Variants in SLC2A9 observed in about 807,000 individuals in gnomAD.
SLC2A9 encodes solute carrier family 2, facilitated glucose transporter member 9.
SLC2A9 carries 39 observed loss-of-function variants against 50.6 expected under a neutral mutation model. The observed-to-expected ratio is 0.77, with a 90% confidence interval of 0.60 to 1.01. The LOEUF is 1.01. SLC2A9 is among the 50% of genes least tolerant of loss of function. SLC2A9 has a pLI of 0.00. For synonymous variants in SLC2A9, 324 were observed against 276.9 expected (o/e 1.17, Z -1.69); for missense variants, 686 against 677.6 (o/e 1.01, Z -0.14).
intron 3 of SLC2A9, among the ~76,000 whole-genome samples, chr4:9,817,474 C>T (rs1004603322): frequency 2.0e-5 from 3 of 152,168 alleles, no homozygotes; most frequent in African/African-American, 7.2e-5. Flanking sequence ...AGATGAGCAC[C>T]ACTGATCCAG....
chr4:9,855,714 A>G (rs1477327221), intron 10 of SLC2A9, among the ~76,000 whole-genome samples: 1 of 152,186 alleles, frequency 6.6e-6, no homozygotes, highest in East Asian at 1.9e-4. Context: ...TTCAAACTAT[A>G]CTACAAGGCT....
chr4:9,938,747 C>T (rs1747595646), intron 6 of SLC2A9, among the ~76,000 whole-genome samples: 1 of 152,190 alleles, frequency 6.6e-6, no homozygotes, highest in Admixed American at 6.5e-5. Flanking sequence ...AGCTACTCAG[C>T]CTCTGAGTGG....
At chr4:9,823,634 T>G (rs116839773), downstream of SLC2A9, among the ~76,000 whole-genome samples, 59 of 152,284 alleles carry the variant, frequency 3.9e-4, no homozygotes, top group African/African-American at 1.3e-3. Flanking sequence ...TAGAAAGTAA[T>G]ACAATATTAA....
intron 6 of SLC2A9, among the ~76,000 whole-genome samples, chr4:9,938,803 C>G (rs1747601848): frequency 6.6e-6 from 1 of 152,110 alleles, no homozygotes; most frequent in Admixed American, 6.6e-5. Flanking sequence ...AAGCAAAGCA[C>G]CATGTGTATT....
At chr4:9,916,843 C>T (rs1315486926) in intron 7 of SLC2A9, among the ~76,000 whole-genome samples, 1 of 152,206 alleles carries the variant, frequency 6.6e-6, no homozygotes, top group Non-Finnish European at 1.5e-5. Context: ...ATTTTCAGCC[C>T]AAGAACTCCC....
intron 6 of SLC2A9, among the ~76,000 whole-genome samples, chr4:9,940,521 T>C (rs1266231021): frequency 1.3e-5 from 2 of 152,216 alleles, no homozygotes; most frequent in African/African-American, 4.8e-5. Flanking sequence ...GGCAGAATTT[T>C]GTGTATATGG....
chr4:9,794,465 T>C (rs767899290), downstream of SLC2A9, among the ~76,000 whole-genome samples: 8 of 152,160 alleles, frequency 5.3e-5, no homozygotes, highest in Non-Finnish European at 7.4e-5. Context: ...GTTAATTCTT[T>C]ATAGCAGCCC....
chr4:10,020,067 T>C (rs1763327996), intron 1 of SLC2A9, among the ~76,000 whole-genome samples: 1 of 150,192 alleles, frequency 6.7e-6, no homozygotes. Context: ...TGTGTGTGTG[T>C]GTGTGTTGTA....
intron 3 of SLC2A9, chr4:9,782,957 C>T: frequency 1.2e-6 from 2 of 1,613,916 alleles, no homozygotes; most frequent in Non-Finnish European, 1.7e-6. Flanking sequence ...GTGTTGCTGG[C>T]TGCCCTTCTT....
At chr4:9,792,324 G>A (rs1720038334) in intron 3 of SLC2A9, among the ~76,000 whole-genome samples, 1 of 150,326 alleles carries the variant, frequency 6.7e-6, no homozygotes. Context: ...TTATAGGCAT[G>A]CACCACCACA....
intron 7 of SLC2A9, among the ~76,000 whole-genome samples, chr4:9,909,312 A>ATTAT: frequency 6.6e-6 from 1 of 152,344 alleles, no homozygotes; most frequent in South Asian, 2.1e-4. Flanking sequence ...TGCTAGGATG[A>ATTAT]CACACTTACA....
chr4:9,795,061 G>C (rs1199472857), downstream of SLC2A9, among the ~76,000 whole-genome samples: 2 of 145,714 alleles, frequency 1.4e-5, no homozygotes, highest in Non-Finnish European at 3.0e-5. Flanking sequence ...ACCCAGGCTG[G>C]AGTGCAGTGG....
intron 10 of SLC2A9, among the ~76,000 whole-genome samples, chr4:9,845,427 C>CTTTTTTTTTTTT (rs1175166447): frequency 9.2e-6 from 1 of 108,692 alleles, no homozygotes; most frequent in African/African-American, 4.1e-5. Flanking sequence ...TCATCAATTT[C>CTTTTTTTTTTTT]TTTTTTTTTT....
At chr4:9,963,332 A>C (rs1020852644) in intron 5 of SLC2A9, among the ~76,000 whole-genome samples, 1 of 152,202 alleles carries the variant, frequency 6.6e-6, no homozygotes, top group African/African-American at 2.4e-5. Flanking sequence ...GTAGGGATAA[A>C]GCCAAGCCAT....
At position 10,038,564 on chromosome 4, in the gene SLC2A9, A is replaced by G. The variant is rs115499756; in HGVS notation, c.-41+1566T>C. Among the ~76,000 whole-genome samples the G allele has an allele frequency of 4.6e-3, 692 of 150,550 alleles. 12 individuals are homozygous for G. Among genetic ancestry groups the G allele is most frequent in the African/African-American group, 0.016 (647 of 41,186 alleles). On this transcript the variant is annotated intron_variant, in intron 1 of 12. Coordinates refer to the SLC2A9 transcript ENST00000309065. ...TCAGACAAGTGGGTACAGCCAGGCC[A>G]CGGAACAAAGTGTTCCTCTATCACT... is the stretch of plus-strand genomic sequence containing the variant.
chr4:9,816,606 A>T (rs1723631519), intron 3 of SLC2A9, among the ~76,000 whole-genome samples: 1 of 152,184 alleles, frequency 6.6e-6, no homozygotes, highest in Admixed American at 6.5e-5. Flanking sequence ...GATTGTGGTG[A>T]TGGTTTCATA....
chr4:9,985,437 T>C (rs1303673277), intron 4 of SLC2A9, among the ~76,000 whole-genome samples: 2 of 152,100 alleles, frequency 1.3e-5, no homozygotes, highest in Non-Finnish European at 1.5e-5. Flanking sequence ...GTCTTTGGGG[T>C]AGACTGCGGA....
chr4:9,866,888 G>T (rs1359778405), intron 10 of SLC2A9, among the ~76,000 whole-genome samples: 1 of 152,186 alleles, frequency 6.6e-6, no homozygotes, highest in Non-Finnish European at 1.5e-5. Context: ...ATGGTGGGTG[G>T]ACTCTGAGCT....
intron 5 of SLC2A9, among the ~76,000 whole-genome samples, chr4:9,952,146 T>C (rs150753308): frequency 3.9e-5 from 6 of 152,314 alleles, no homozygotes; most frequent in Admixed American, 6.5e-5. Context: ...ATCCGTAAAG[T>C]TTAGTCCACA....
Sources: allele counts gnomAD v4.1 joint callset (sites outside exome capture counted in the v4.1 genomes callset), GRCh38; gene constraint gnomAD v4.1.1; transcripts MANE v1.5; gene names NCBI Gene and HGNC (gene_info 2026-07-23, HGNC 2026-07-21).